Variants in SLC47A1 observed in about 807,000 individuals in gnomAD.
SLC47A1 encodes solute carrier family 47 member 1, also known as multidrug and toxin extrusion protein 1.
A neutral mutation model predicts 65.8 loss-of-function variants in SLC47A1; 58 were observed. The observed-to-expected ratio is 0.88, with a 90% confidence interval of 0.71 to 1.10. The LOEUF is 1.10. Among genes scored for constraint, SLC47A1 ranks in the 50% least tolerant of loss-of-function variants. The pLI, the probability that SLC47A1 is intolerant of heterozygous loss-of-function variation, is 0.00. For missense variants in SLC47A1, 706 were observed against 719.2 expected (o/e 0.98, Z 0.21); for synonymous variants, 285 against 295.0 (o/e 0.97, Z 0.35).
At chr17:19,542,688 G>A (rs1170739843) in intron 2 of SLC47A1, among the ~76,000 whole-genome samples, 194 bp downstream of exon 2, 1 of 152,006 alleles carries the variant, frequency 6.6e-6, no homozygotes, top group African/African-American at 2.4e-5. Flanking sequence ...CCTTTGCTGT[G>A]TAACCTTGCA....
At position 19,578,118 on chromosome 17, in the gene SLC47A1, A is replaced by C; in HGVS notation, c.*565A>C. The C allele has an allele frequency of 1.9e-6, 1 of 531,076 alleles. No homozygotes were observed. The highest frequency in any genetic ancestry group is 3.4e-6 in the Non-Finnish European group (1 of 297,654). The allele number at this position is 531,076 out of a possible 1,614,324, so 32.9% of individuals were successfully genotyped here. On this transcript the variant is annotated 3_prime_UTR_variant, in exon 17 of 17. Transcript: ENST00000270570. ...CCTGTGTCAGCCACCAGAGTAGCTGAGACTACAGGGGTATGCCACCATGCC... is the reference window on the plus strand; with the variant it reads ...CCTGTGTCAGCCACCAGAGTAGCTGCGACTACAGGGGTATGCCACCATGCC...
chr17:19,537,438 C>A (rs1916018180), intron 1 of SLC47A1, among the ~76,000 whole-genome samples: 1 of 152,224 alleles, frequency 6.6e-6, no homozygotes, highest in South Asian at 2.1e-4. Flanking sequence ...TGGTCAGAGA[C>A]AGACAGGCCT....
intron 3 of SLC47A1, 21 bp downstream of exon 3, chr17:19,546,524 G>A (rs779272780): frequency 3.7e-6 from 6 of 1,609,052 alleles, no homozygotes; most frequent in Admixed American, 3.3e-5. Flanking sequence ...GTGGTCACAC[G>A]CTCACAGTGA....
rs1916584135 is a variant in SLC47A1, at chr17:19,555,722, A to C, written c.739+32A>C. On this transcript the variant is annotated intron_variant, in intron 8 of 16. Coordinates refer to ENST00000270570, the MANE Select transcript of SLC47A1 (RefSeq NM_018242.3). ...ACTGCCCTTTTGTCTTCCAACTGGG[A>C]TGTGGGTTTTGTCTCAGGTTGAGTT... The C allele has an allele frequency of 8.1e-6, 13 of 1,613,452 alleles. No homozygotes were observed. In the East Asian group the frequency reaches 2.9e-4, roughly 36 times the overall value.
At chr17:19,555,002 G>A (rs982120215) in intron 6 of SLC47A1, among the ~76,000 whole-genome samples, 5 of 152,050 alleles carry the variant, frequency 3.3e-5, no homozygotes, top group Admixed American at 1.3e-4. Context: ...CCAGAACTCC[G>A]CACTTTATAC....
intron 4 of SLC47A1, 22 bp downstream of exon 4, chr17:19,548,155 C>A (rs145727314): frequency 1.9e-6 from 3 of 1,598,112 alleles, no homozygotes; most frequent in African/African-American, 1.3e-5. Flanking sequence ...CCTGTCGCAG[C>A]GGGACTTGGC....
intron 14 of SLC47A1, among the ~76,000 whole-genome samples, chr17:19,570,618 G>C (rs1444000932): frequency 6.6e-6 from 1 of 152,228 alleles, no homozygotes; most frequent in Non-Finnish European, 1.5e-5. Context: ...TTACTGGTTA[G>C]CTTCCTGGAT....
chr17:19,538,025 C>A, intron 1 of SLC47A1, among the ~76,000 whole-genome samples: 1 of 152,306 alleles, frequency 6.6e-6, no homozygotes, highest in East Asian at 1.9e-4. Context: ...TTATTTATTG[C>A]GTTTTGAACA....
intron 2 of SLC47A1, among the ~76,000 whole-genome samples, chr17:19,545,713 C>G (rs1293563951): frequency 6.6e-6 from 1 of 151,544 alleles, no homozygotes; most frequent in East Asian, 2.0e-4. Context: ...TGGTCTCAAA[C>G]TCCTGGGCTC....
rs1392357561 is a variant in SLC47A1 at position 19,567,236 on chromosome 17, C to T, written c.1309+8C>T. On this transcript the variant is annotated splice_region_variant and intron_variant, in intron 14 of 16. Coordinates refer to ENST00000270570, the MANE Select transcript of SLC47A1 (RefSeq NM_018242.3). ...CCACACTTGGAGTGATGGGTAAGCT[C>T]TAACCTCTGCAGGCAGGGCTTAGCT... The T allele has an allele frequency of 6.2e-7, 1 of 1,614,068 alleles. No individual in the cohort carries two copies. The highest frequency in any genetic ancestry group is 1.3e-5 in the African/African-American group (1 of 74,948).
At chr17:19,571,842 A>G (rs761268243) in intron 15 of SLC47A1, among the ~76,000 whole-genome samples, 1 of 152,188 alleles carries the variant, frequency 6.6e-6, no homozygotes, top group Non-Finnish European at 1.5e-5. Flanking sequence ...ATCCAATTTC[A>G]GGACAAGAAT....
At chr17:19,552,139 G>A (rs1469981779) in intron 6 of SLC47A1, among the ~76,000 whole-genome samples, 1 of 152,242 alleles carries the variant, frequency 6.6e-6, no homozygotes, top group East Asian at 1.9e-4. Flanking sequence ...GAAGGGCCAG[G>A]AGGGGAGGAG....
Position 19,578,267 on chromosome 17 carries a change from G to A in SLC47A1, c.*714G>A, listed in dbSNP as rs561402646. On this transcript the variant is annotated 3_prime_UTR_variant, in exon 17 of 17. Coordinates refer to ENST00000270570, the MANE Select transcript of SLC47A1 (RefSeq NM_018242.3). ...AAGACTGATAATTCCTGGTAGGGGT[G>A]TGTGCGTGACGTACTGCAGCCTCAA... 2.9e-6 allele frequency: 1 copy of A among 339,310 alleles called. No homozygotes were observed. The highest frequency in any genetic ancestry group is 8.8e-5 in the East Asian group (1 of 11,332). The allele number at this position is 339,310 out of a possible 1,614,324, so 21.0% of individuals were successfully genotyped here. A position where few individuals can be genotyped will look rare whatever the true frequency, so the allele number is the denominator to read the frequency against.
chr17:19,555,306 T>C lies in SLC47A1; in HGVS notation c.638T>C (p.Val213Ala). ...YLFLHQLHLGVIGSALANLIS... is the reference protein window; with the variant it reads ...YLFLHQLHLGAIGSALANLIS... ...TTTCTCCATCAACTGCATCTTGGGG[T>C]GATGTGAGTCCAACATACTCTTGGG... The change falls in exon 7 of 17, where the codon GTG becomes GCG. Residue 213 changes from valine to alanine, a missense_variant. By Grantham distance (64) the Val-to-Ala change is moderately conservative (BLOSUM62 0). Coordinates refer to ENST00000270570, the MANE Select transcript of SLC47A1 (RefSeq NM_018242.3). 1 of 1,614,004 alleles carries C rather than the reference T, an allele frequency of 6.2e-7. No individual in the cohort carries two copies. The highest frequency in any genetic ancestry group is 8.5e-7 in the Non-Finnish European group (1 of 1,179,980).
chr17:19,555,511 G>T (rs745322483), intron 7 of SLC47A1, 82 bp from the exon 8 acceptor site: 3 of 1,443,472 alleles, frequency 2.1e-6, no homozygotes, highest in Non-Finnish European at 2.9e-6. Flanking sequence ...GCACGGGAAG[G>T]GATGAGTCTC....
rs113126898 is a variant in SLC47A1 at position 19,560,222 on chromosome 17, G to A, written c.956G>A (p.Arg319Gln). 1.1e-4 allele frequency: 178 copies of A among 1,613,280 alleles called. No homozygotes were observed. The highest frequency in any genetic ancestry group is 1.8e-4 in the Middle Eastern group (1 of 5,590). ...PAGFSVAASV[R>Q]VGNALGAGDM... ...GGCTTCAGTGTGGCTGCCAGTGTCC[G>A]GGTAGGAAACGCTCTGGGTGCTGGA... Residue 319 changes from arginine to glutamine, a missense_variant, in exon 11 of 17, where the codon CGG becomes CAG. Physicochemically the swap from Arg to Gln is conservative, Grantham distance 43. Coordinates refer to ENST00000270570, the MANE Select transcript of SLC47A1 (RefSeq NM_018242.3).
In SLC47A1 at chr17:19,541,174, G is replaced by A. The variant is rs117435075; in HGVS notation, c.136-1219G>A. Among the ~76,000 whole-genome samples the A allele has an allele frequency of 6.3e-3, 962 of 152,250 alleles. 30 individuals are homozygous for A. In the East Asian group the frequency reaches 0.073, roughly 12 times the overall value. On this transcript the variant is annotated intron_variant, in intron 1 of 16. Coordinates refer to ENST00000270570, the MANE Select transcript of SLC47A1 (RefSeq NM_018242.3). ...AGAGGACTCTGTTCTCCCTGAGGGC[G>A]GTGAGAGGCGGCCTTGTGGCTAGAC...
intron 12 of SLC47A1, among the ~76,000 whole-genome samples, chr17:19,566,097 T>C (rs2084355739): frequency 6.6e-6 from 1 of 152,204 alleles, no homozygotes; most frequent in Admixed American, 6.5e-5. Context: ...AGCACAAAAG[T>C]AGTGATGCTG....
Position 19,548,110 on chromosome 17 carries a change from C to T in SLC47A1, c.432C>T (p.Phe144=). 1.9e-6 allele frequency: 3 copies of T among 1,613,734 alleles called. No individual in the cohort carries two copies. The highest frequency in any genetic ancestry group is 2.5e-6 in the Non-Finnish European group (3 of 1,179,972). Residue 144 remains phenylalanine (F), a synonymous_variant, in exon 4 of 17, where the codon TTC becomes TTT. Transcript: ENST00000270570. ...FLNTQHILLL[F]RQDPDVSRLT... ...ACACCCAGCACATCCTGCTGCTCTTCAGGCAGGACCCAGATGTGTCCAGGT... is the reference window on the plus strand; with the variant it reads ...ACACCCAGCACATCCTGCTGCTCTTTAGGCAGGACCCAGATGTGTCCAGGT...
Sources: gnomAD v4.1 joint callset for allele counts (sites outside exome capture counted in the v4.1 genomes callset) on GRCh38, gnomAD v4.1.1 for gene constraint, MANE v1.5 for transcripts, NCBI Gene and HGNC (gene_info 2026-07-23, HGNC 2026-07-21) for gene names.